Variants in CACNA2D2 observed in about 807,000 individuals in gnomAD.
CACNA2D2 encodes the protein voltage-dependent calcium channel subunit alpha-2/delta-2.
In CACNA2D2, 48 loss-of-function variants were observed where a neutral mutation model predicts 166.4. The observed-to-expected ratio is 0.29, with a 90% CI of 0.23 to 0.37. The LOEUF is 0.37. Among genes scored for constraint, CACNA2D2 ranks in the 10% least tolerant of loss-of-function variants. The pLI is 1.00. For missense variants in CACNA2D2, 1,122 were observed against 1,433.0 expected (o/e 0.78, Z 3.50); for synonymous variants, 561 against 573.7 (o/e 0.98, Z 0.32).
intron 6 of CACNA2D2, 36 bp downstream of exon 6, chr3:50,384,160 G>A (rs1470573894): frequency 6.2e-7 from 1 of 1,606,756 alleles, no homozygotes; most frequent in South Asian, 1.1e-5. Flanking sequence ...CCCACAGCAG[G>A]TGGGATGGGC....
At chr3:50,434,540 C>G in intron 2 of CACNA2D2, 111 bp from the exon 3 acceptor site, 1 of 785,776 alleles carries the variant, frequency 1.3e-6, no homozygotes, top group Non-Finnish European at 2.2e-6. Flanking sequence ...CACCCGCACC[C>G]AGACCCTGTC....
chr3:50,462,427 AATAATG>A (rs1553750617), intron 2 of CACNA2D2, among the ~76,000 whole-genome samples: 45 of 144,484 alleles, frequency 3.1e-4, no homozygotes, highest in African/African-American at 4.6e-4. Context: ...TAATAATAAT[AATAATG>A]ATAATAATAA....
intron 1 of CACNA2D2, among the ~76,000 whole-genome samples, chr3:50,484,261 CTGCCTCCTTGGCCGG>C (rs1417190964): frequency 6.6e-6 from 1 of 152,192 alleles, no homozygotes; most frequent in African/African-American, 2.4e-5. Context: ...CCACTGCCGA[CTGCCTCCTTGGCCGG>C]GCACCCATCA....
At chr3:50,457,057 T>C (rs1404674607) in intron 2 of CACNA2D2, among the ~76,000 whole-genome samples, 1 of 152,134 alleles carries the variant, frequency 6.6e-6, no homozygotes, top group African/African-American at 2.4e-5. Flanking sequence ...TGAGATTAGC[T>C]TGGCTAACAT....
intron 2 of CACNA2D2, among the ~76,000 whole-genome samples, chr3:50,456,276 C>T (rs757403729): frequency 5.9e-5 from 9 of 152,134 alleles, no homozygotes; most frequent in Non-Finnish European, 1.3e-4. Flanking sequence ...TGGTTGGCTC[C>T]CAAGACACAA....
chr3:50,379,003 G>A lies in CACNA2D2; in HGVS notation c.1261-10C>T, dbSNP rs913653302. On this transcript the variant is annotated splice_polypyrimidine_tract_variant and intron_variant, in intron 12 of 37. Coordinates refer to ENST00000424201, the MANE Select transcript of CACNA2D2 (RefSeq NM_006030.4). This position sits in a 1 kb window ranked among gnomAD's most constrained non-coding sequence, Gnocchi z 6.5. The stretch of plus-strand genomic sequence containing the variant: ...AAGTAAACACGCGCACCTGTGGGGG[G>A]TTTGAGGTTACTGCTGTGGCCACCA... The A allele has an allele frequency of 1.2e-6, 2 of 1,613,952 alleles. No homozygotes were observed. The highest frequency in any genetic ancestry group is 1.7e-6 in the Non-Finnish European group (2 of 1,180,026).
intron 3 of CACNA2D2, among the ~76,000 whole-genome samples, chr3:50,426,149 G>C (rs1274710357): frequency 6.6e-6 from 1 of 152,226 alleles, no homozygotes; most frequent in Non-Finnish European, 1.5e-5. Flanking sequence ...GGGTAAGCAA[G>C]GGGAACTGTG....
At chr3:50,464,723 T>C (rs1386706185) in intron 2 of CACNA2D2, among the ~76,000 whole-genome samples, 1 of 152,194 alleles carries the variant, frequency 6.6e-6, no homozygotes, top group African/African-American at 2.4e-5. Flanking sequence ...TTCCCCTGAG[T>C]GGCTCCTCTA....
intron 2 of CACNA2D2, among the ~76,000 whole-genome samples, chr3:50,470,898 GCCC>G (rs1161652791): frequency 6.6e-6 from 1 of 152,060 alleles, no homozygotes; most frequent in African/African-American, 2.4e-5. Flanking sequence ...CCTCCCGGGA[GCCC>G]CCCCTTTAGC....
chr3:50,438,287 T>A (rs1033791340), intron 2 of CACNA2D2, among the ~76,000 whole-genome samples: 6 of 152,142 alleles, frequency 3.9e-5, no homozygotes, highest in Middle Eastern at 6.8e-3. Flanking sequence ...GGCACTCCTA[T>A]CCCACCAGTG....
At chr3:50,464,261 T>A (rs1709722053) in intron 2 of CACNA2D2, among the ~76,000 whole-genome samples, 1 of 152,250 alleles carries the variant, frequency 6.6e-6, no homozygotes, top group Non-Finnish European at 1.5e-5. Flanking sequence ...CTCCAGGATC[T>A]GTGGAGGAGG....
At chr3:50,391,418 C>A (rs1309244605) in intron 4 of CACNA2D2, among the ~76,000 whole-genome samples, 2 of 152,224 alleles carry the variant, frequency 1.3e-5, no homozygotes, top group Non-Finnish European at 2.9e-5. Flanking sequence ...GTGCTGGCAC[C>A]AAGTGTGGTC....
intron 6 of CACNA2D2, among the ~76,000 whole-genome samples, chr3:50,381,571 C>A (rs1705316439): frequency 6.8e-6 from 1 of 148,118 alleles, no homozygotes; most frequent in Non-Finnish European, 1.5e-5. Context: ...TGGAATTATT[C>A]AGCTATTAAG....
chr3:50,425,480 T>C (rs1379230531), intron 3 of CACNA2D2, among the ~76,000 whole-genome samples: 1 of 152,090 alleles, frequency 6.6e-6, no homozygotes, highest in African/African-American at 2.4e-5. Context: ...CCCCATCTCC[T>C]TGAAGTCTGG....
rs57886892 is a variant in CACNA2D2 at position 50,489,616 on chromosome 3, ACTGGGGCTGGGG to A, written c.207-13429_207-13418del. On this transcript the variant is annotated intron_variant, in intron 1 of 37. Coordinates refer to ENST00000424201, the MANE Select transcript of CACNA2D2 (RefSeq NM_006030.4). ...GGTGGGGCTGCCGGGAGCCTCCAAA[ACTGGGGCTGGGG>A]CTGGGGCTGGGGCTGGGGCTGGGGC... 9.0e-3 allele frequency among the ~76,000 whole-genome samples: 1,223 copies of A among 135,672 alleles called. 12 individuals are homozygous for A. The highest frequency in any genetic ancestry group is 0.028 in the South Asian group (113 of 4,016). The allele number at this position is 135,672 out of a possible 152,430, so 89.0% of individuals were successfully genotyped here.
At chr3:50,442,112 C>T (rs1708626654) in intron 2 of CACNA2D2, among the ~76,000 whole-genome samples, 1 of 152,180 alleles carries the variant, frequency 6.6e-6, no homozygotes, top group Non-Finnish European at 1.5e-5. Flanking sequence ...GACTTTATCT[C>T]CCCTAAATTC....
chr3:50,469,907 G>A (rs1022051621), intron 2 of CACNA2D2, among the ~76,000 whole-genome samples: 2 of 152,118 alleles, frequency 1.3e-5, no homozygotes, highest in African/African-American at 4.8e-5. Flanking sequence ...CATCCCCTGG[G>A]AACTGATCTT....
intron 5 of CACNA2D2, among the ~76,000 whole-genome samples, chr3:50,386,139 A>C (rs1705593922): frequency 6.6e-6 from 1 of 152,212 alleles, no homozygotes; most frequent in African/African-American, 2.4e-5. Flanking sequence ...ACCCTAGTCT[A>C]GCCAGGCCCC....
At position 50,370,393 on chromosome 3, in the gene CACNA2D2, C is replaced by CGG; in HGVS notation, c.1985-15_1985-14dup. 7.9e-7 allele frequency: 1 copy of CGG among 1,261,772 alleles called. No homozygotes were observed. Among genetic ancestry groups the CGG allele is most frequent in the Non-Finnish European group, 1.0e-6 (1 of 967,506 alleles). 78.2% of individuals were successfully genotyped at this position (1,261,772 alleles called of 1,614,324 possible). A position where few individuals can be genotyped will look rare whatever the true frequency, so the allele number is the denominator to read the frequency against. On this transcript the variant is annotated splice_polypyrimidine_tract_variant and intron_variant, in intron 22 of 37. Transcript: ENST00000424201. The stretch of plus-strand genomic sequence containing the variant: ...AGGAACTCAAAATCTGCAACAGAAA[C>CGG]GGGGGGTTATCCGGCGGGGGCTGGG...
Sources: allele counts gnomAD v4.1 joint callset (sites outside exome capture counted in the v4.1 genomes callset), GRCh38; gene constraint gnomAD v4.1.1; non-coding constraint Gnocchi (gnomAD v3.1); transcripts MANE v1.5; gene names NCBI Gene and HGNC (gene_info 2026-07-23, HGNC 2026-07-21).